Variants in KAZN observed in about 807,000 individuals in gnomAD.
The protein encoded by KAZN is kazrin.
Under a neutral mutation model 87.4 loss-of-function variants are expected in KAZN, and 40 were observed. That is an observed-to-expected ratio of 0.46 (90% confidence interval 0.36 to 0.60). KAZN has a LOEUF of 0.60. Ranked by LOEUF, KAZN falls within the 20% of genes least tolerant of loss-of-function variation. KAZN has a pLI of 0.00. For synonymous variants in KAZN, 466 were observed against 458.3 expected (o/e 1.02, Z -0.22); for missense variants, 898 against 1,073.9 (o/e 0.84, Z 2.29).
chr1:14,369,645 A>C (rs1258039215), intron 2 of KAZN, among the ~76,000 whole-genome samples: 1 of 152,042 alleles, frequency 6.6e-6, no homozygotes, highest in Non-Finnish European at 1.5e-5. Context: ...TTGTTTAACA[A>C]AGACACAGCA....
intron 1 of KAZN, among the ~76,000 whole-genome samples, chr1:14,775,722 A>G (rs925749694): frequency 3.9e-5 from 6 of 152,226 alleles, no homozygotes; most frequent in African/African-American, 1.4e-4. Context: ...GGCTCATAGC[A>G]TCTATCTTGA....
At chr1:13,962,272 G>C (rs1235134604) in intron 1 of KAZN, among the ~76,000 whole-genome samples, 1 of 152,140 alleles carries the variant, frequency 6.6e-6, no homozygotes, top group East Asian at 1.9e-4. Flanking sequence ...CGGAGCAGGA[G>C]GTGAGGCCAG....
chr1:14,139,878 G>A (rs1645193675), intron 1 of KAZN, among the ~76,000 whole-genome samples: 1 of 152,032 alleles, frequency 6.6e-6, no homozygotes, highest in South Asian at 2.1e-4. Context: ...AAAGCATGGA[G>A]TAATTGATTT....
At chr1:14,768,479 G>T (rs1644942174) in intron 1 of KAZN, among the ~76,000 whole-genome samples, 1 of 152,184 alleles carries the variant, frequency 6.6e-6, no homozygotes, top group Non-Finnish European at 1.5e-5. Context: ...CTTAGGATGT[G>T]TTGCCTAAGA....
chr1:14,058,549 C>T (rs1484255728), intron 1 of KAZN, among the ~76,000 whole-genome samples: 1 of 152,206 alleles, frequency 6.6e-6, no homozygotes, highest in Non-Finnish European at 1.5e-5. Flanking sequence ...GTGCTCGATG[C>T]TGGCATGCAA....
intron 1 of KAZN, among the ~76,000 whole-genome samples, chr1:14,946,855 T>C (rs1661863566): frequency 6.6e-6 from 1 of 152,148 alleles, no homozygotes; most frequent in Non-Finnish European, 1.5e-5. Flanking sequence ...GCGGTTGAGG[T>C]TGTGGATTCC....
chr1:14,872,191 C>G (rs1313498241), intron 1 of KAZN, among the ~76,000 whole-genome samples: 1 of 152,148 alleles, frequency 6.6e-6, no homozygotes, highest in East Asian at 1.9e-4. Flanking sequence ...TTCATACTGA[C>G]TGGGGGACTT....
At chr1:14,656,192 A>G (rs1284061422) in intron 1 of KAZN, among the ~76,000 whole-genome samples, 1 of 151,964 alleles carries the variant, frequency 6.6e-6, no homozygotes, top group Non-Finnish European at 1.5e-5. Flanking sequence ...ATACAAGGTC[A>G]TTCTCGGGGT....
At chr1:14,135,583 T>C (rs746512134) in intron 1 of KAZN, among the ~76,000 whole-genome samples, 1 of 152,246 alleles carries the variant, frequency 6.6e-6, no homozygotes, top group South Asian at 2.1e-4. Flanking sequence ...AAAGGTTTTT[T>C]CTTCAGAAAT....
intron 1 of KAZN, among the ~76,000 whole-genome samples, chr1:14,880,592 G>A (rs144301672): frequency 5.9e-5 from 9 of 152,226 alleles, no homozygotes; most frequent in Admixed American, 2.6e-4. Context: ...GCTGGGCACC[G>A]GACCCAGAGG....
chr1:15,082,186 G>C (rs1204754175), intron 8 of KAZN, among the ~76,000 whole-genome samples: 1 of 152,110 alleles, frequency 6.6e-6, no homozygotes, highest in Non-Finnish European at 1.5e-5. Flanking sequence ...TGAGGTCTGA[G>C]ACCCTATGGG....
chr1:14,902,590 G>T (rs1436284623), intron 1 of KAZN, among the ~76,000 whole-genome samples: 2 of 152,088 alleles, frequency 1.3e-5, no homozygotes, highest in South Asian at 4.1e-4. Flanking sequence ...TTCAGCTAGA[G>T]CCAGAAAAAT....
At chr1:14,876,926 T>A (rs1367684551) in intron 1 of KAZN, among the ~76,000 whole-genome samples, 1 of 152,220 alleles carries the variant, frequency 6.6e-6, no homozygotes, top group African/African-American at 2.4e-5. Flanking sequence ...TGAAACCAAC[T>A]TGTATTAGTC....
chr1:14,514,615 A>T (rs1439315551), intron 2 of KAZN, among the ~76,000 whole-genome samples: 837 of 32,400 alleles, frequency 0.026, 14 homozygotes, highest in South Asian at 0.043. Flanking sequence ...ATATATATAT[A>T]TATATATATA....
intron 2 of KAZN, among the ~76,000 whole-genome samples, chr1:14,457,820 T>G (rs552951382): frequency 0.026 from 3,273 of 126,642 alleles, 137 homozygotes; most frequent in African/African-American, 0.092. Context: ...TTGTTTTTTG[T>G]TTTGTTTTTT....
At chr1:15,033,837 C>T (rs1281284498) in intron 2 of KAZN, among the ~76,000 whole-genome samples, 3 of 152,204 alleles carry the variant, frequency 2.0e-5, no homozygotes, top group Non-Finnish European at 2.9e-5. Context: ...CTCCTAGGTT[C>T]AAGCAGTTCT....
At chr1:14,873,855 G>C (rs1360723487) in intron 1 of KAZN, among the ~76,000 whole-genome samples, 2 of 152,170 alleles carry the variant, frequency 1.3e-5, no homozygotes. Context: ...TAGTTCAAAG[G>C]TAGAGCCAGC....
At chr1:14,459,258 CGCGT>C (rs1319989370) in intron 2 of KAZN, among the ~76,000 whole-genome samples, 1 of 124,062 alleles carries the variant, frequency 8.1e-6, no homozygotes, top group African/African-American at 3.2e-5. Flanking sequence ...GGTGTGTGTG[CGCGT>C]GTGTGTGTGT....
At chr1:13,932,553 C>G (rs1640567210) in intron 1 of KAZN, among the ~76,000 whole-genome samples, 1 of 152,216 alleles carries the variant, frequency 6.6e-6, no homozygotes, top group South Asian at 2.1e-4. Flanking sequence ...AGCCACCGCG[C>G]CCGGCCTTAT....
Sources: allele counts gnomAD v4.1 joint callset (sites outside exome capture counted in the v4.1 genomes callset), GRCh38; gene constraint gnomAD v4.1.1; transcripts MANE v1.5; gene names NCBI Gene and HGNC (gene_info 2026-07-23, HGNC 2026-07-21).